The following LYAR variants were observed in gnomAD, a reference collection of about 807,000 sequenced individuals.
LYAR encodes cell growth-regulating nucleolar protein.
A neutral mutation model predicts 45.2 loss-of-function variants in LYAR; 37 were observed. The observed-to-expected ratio is 0.82, with a 90% CI of 0.63 to 1.08. The LOEUF (loss-of-function observed/expected upper bound fraction) is 1.08, where lower values mean the gene tolerates loss of function less well. Ranked by LOEUF, LYAR falls within the 50% of genes least tolerant of loss-of-function variation. The pLI, the probability that LYAR is intolerant of heterozygous loss-of-function variation, is 0.00. For missense variants in LYAR, 493 were observed against 451.0 expected, an observed-to-expected ratio of 1.09 and a Z score of -0.84; for synonymous variants, 176 against 155.1, an observed-to-expected ratio of 1.14 and a Z score of -1.00.
intron 8 of LYAR, among the ~76,000 whole-genome samples, chr4:4,270,565 C>T (rs988137111): frequency 7.0e-6 from 1 of 143,836 alleles, no homozygotes; most frequent in East Asian, 2.1e-4. Flanking sequence ...AAAACAACAA[C>T]CAAAAAAACC....
At chr4:4,278,139 G>A (rs958948219) in intron 6 of LYAR, among the ~76,000 whole-genome samples, 1 of 152,086 alleles carries the variant, frequency 6.6e-6, no homozygotes, top group African/African-American at 2.4e-5. Context: ...GCCACATAAA[G>A]GCCAATCTAA....
chr4:4,268,140 C>T (rs924680416), intron 9 of LYAR, 117 bp from the exon 10 acceptor site: 20 of 943,136 alleles, frequency 2.1e-5, no homozygotes, highest in East Asian at 1.2e-4. Flanking sequence ...CAGGAGCAAG[C>T]GACACCGGCG....
intron 6 of LYAR, among the ~76,000 whole-genome samples, chr4:4,278,395 T>G (rs1263789091): frequency 1.3e-5 from 2 of 152,366 alleles, no homozygotes; most frequent in African/African-American, 4.8e-5. Context: ...GGCTGAAAGA[T>G]AGCAAACCAA....
At chr4:4,284,726 A>G (rs1719539109) in intron 2 of LYAR, among the ~76,000 whole-genome samples, 3 of 152,314 alleles carry the variant, frequency 2.0e-5, no homozygotes, top group African/African-American at 7.2e-5. Flanking sequence ...ATACTTACAT[A>G]ATTTTTAATC....
At chr4:4,272,161 A>G (rs978406679) in intron 8 of LYAR, among the ~76,000 whole-genome samples, 2 of 152,214 alleles carry the variant, frequency 1.3e-5, no homozygotes, top group African/African-American at 4.8e-5. Flanking sequence ...AAGCGTATCC[A>G]TGTCAACATC....
intron 6 of LYAR, among the ~76,000 whole-genome samples, chr4:4,275,182 A>C (rs1719127934): frequency 6.6e-6 from 1 of 152,214 alleles, no homozygotes; most frequent in Non-Finnish European, 1.5e-5. Context: ...CAGGTGACTA[A>C]GGGCAAGTCA....
At chr4:4,279,603 G>C in intron 5 of LYAR, 39 bp downstream of exon 5, 1 of 1,573,992 alleles carries the variant, frequency 6.4e-7, no homozygotes. Flanking sequence ...TCACTGATGG[G>C]CCACACGGCC....
intron 8 of LYAR, among the ~76,000 whole-genome samples, chr4:4,270,695 A>C (rs1718899176): frequency 2.0e-5 from 3 of 152,212 alleles, no homozygotes. Flanking sequence ...AACATTAGTC[A>C]TTAGGGCCAC....
At chr4:4,287,987 C>T (rs1330861398) in intron 1 of LYAR, among the ~76,000 whole-genome samples, 1 of 152,192 alleles carries the variant, frequency 6.6e-6, no homozygotes, top group East Asian at 1.9e-4. Context: ...CTTCTCTTAA[C>T]AAGATGGTTG....
In LYAR at chr4:4,274,750, T is replaced by C; in HGVS notation, c.449A>G (p.Gln150Arg). 1 of 1,601,108 alleles carries C rather than the reference T, an allele frequency of 6.2e-7. No homozygotes were observed. The highest frequency in any genetic ancestry group is 1.4e-5 in the African/African-American group (1 of 73,808). The change falls in exon 7 of 10, where the codon CAG (glutamine) becomes CGG (arginine). Residue 150 changes from glutamine (Q) to arginine (R), a missense_variant. By Grantham distance (43) the Gln-to-Arg change is conservative (BLOSUM62 1). Coordinates refer to ENST00000343470, the MANE Select transcript of LYAR (RefSeq NM_017816.3). Reference protein sequence around the residue: ...ASNSEPVNKEQDQRPLHPVAN... With the variant: ...ASNSEPVNKERDQRPLHPVAN... Reference sequence around the variant, plus strand: ...CACTGGGTGGAGTGGCCGTTGATCCTGTTCCTTATTGACTGGTTCCTTATC... The same window carrying C: ...CACTGGGTGGAGTGGCCGTTGATCCCGTTCCTTATTGACTGGTTCCTTATC...
chr4:4,281,422 C>T (rs1396645501), intron 4 of LYAR, among the ~76,000 whole-genome samples: 1 of 151,820 alleles, frequency 6.6e-6, no homozygotes, highest in African/African-American at 2.4e-5. Flanking sequence ...TGGCTTCAAG[C>T]GATTCTCCTG....
chr4:4,278,199 C>T (rs187091996), intron 6 of LYAR, among the ~76,000 whole-genome samples: 2 of 152,234 alleles, frequency 1.3e-5, no homozygotes, highest in East Asian at 3.9e-4. Flanking sequence ...CTGAAAGAGA[C>T]AAACGCTAGG....
chr4:4,270,287 A>AAG (rs56115367), intron 8 of LYAR, among the ~76,000 whole-genome samples: 1 of 150,400 alleles, frequency 6.6e-6, no homozygotes, highest in Non-Finnish European at 1.5e-5. Flanking sequence ...AAAAAAAAAA[A>AAG]GTTATCCATT....
At chr4:4,284,236 C>G (rs1255232673) in intron 2 of LYAR, among the ~76,000 whole-genome samples, 1 of 151,780 alleles carries the variant, frequency 6.6e-6, no homozygotes, top group Non-Finnish European at 1.5e-5. Context: ...ACCTTAAACT[C>G]TCTCTCTGTA....
intron 8 of LYAR, among the ~76,000 whole-genome samples, chr4:4,272,286 G>T (rs906672865): frequency 6.6e-6 from 1 of 152,300 alleles, no homozygotes; most frequent in East Asian, 1.9e-4. Flanking sequence ...ACAACTGCAT[G>T]TGAGTCTACA....
intron 5 of LYAR, 41 bp from the exon 6 acceptor site, chr4:4,279,571 G>A: frequency 1.3e-6 from 2 of 1,556,814 alleles, no homozygotes; most frequent in Non-Finnish European, 1.8e-6. Flanking sequence ...GATCCCACTT[G>A]GACAGGTACA....
At chr4:4,279,784 TAAAC>T in intron 4 of LYAR, 35 bp from the exon 5 acceptor site, 2 of 1,359,722 alleles carry the variant, frequency 1.5e-6, no homozygotes, top group Non-Finnish European at 2.1e-6. Flanking sequence ...AAACTATTAA[TAAAC>T]AACCAACATG....
chr4:4,274,664 C>G lies in LYAR; in HGVS notation c.535G>C (p.Glu179Gln). ...VPASKVKDAVEQQGEVKKNKR... is the reference protein window; with the variant it reads ...VPASKVKDAVQQQGEVKKNKR... ...TTCTTCTTCACCTCCCCTTGCTGTT[C>G]CACGGCGTCTTTCACTTTGGAGGCT... The change falls in exon 7 of 10, where the codon GAA becomes CAA. Residue 179 changes from glutamate (E) to glutamine (Q), a missense_variant. Glu to Gln is a conservative substitution (Grantham distance 29). Transcript: ENST00000343470. The G allele has an allele frequency of 6.2e-7, 1 of 1,614,112 alleles. No individual in the cohort carries two copies. The highest frequency in any genetic ancestry group is 8.5e-7 in the Non-Finnish European group (1 of 1,180,026).
At chr4:4,288,071 A>C (rs969886745) in intron 1 of LYAR, among the ~76,000 whole-genome samples, 1 of 152,182 alleles carries the variant, frequency 6.6e-6, no homozygotes, top group Non-Finnish European at 1.5e-5. Context: ...CTAATGTCAA[A>C]AAAGTCATTA....
Sources: gnomAD v4.1 joint callset for allele counts (sites outside exome capture counted in the v4.1 genomes callset) on GRCh38, gnomAD v4.1.1 for gene constraint, MANE v1.5 for transcripts, NCBI Gene and HGNC (gene_info 2026-07-23, HGNC 2026-07-21) for gene names.